COL6A2: variants seen among roughly 807,000 people sequenced by gnomAD.
The protein encoded by COL6A2 is collagen type VI alpha 2 chain, also known as collagen alpha-2(VI) chain.
COL6A2 carries 90 observed loss-of-function variants against 124.9 expected under a neutral mutation model. The ratio of observed to expected loss-of-function variants is 0.72; its 90% CI spans 0.61 to 0.86. COL6A2 has a LOEUF of 0.86. Among genes scored for constraint, COL6A2 ranks in the 40% least tolerant of loss-of-function variants. The pLI is 0.00. For synonymous variants in COL6A2, 793 were observed against 618.2 expected, an observed-to-expected ratio of 1.28 and a Z score of -4.19; for missense variants, 1,607 against 1,502.5, an observed-to-expected ratio of 1.07 and a Z score of -1.15.
chr21:46,127,891 T>C (rs2123674745), intron 27 of COL6A2, among the ~76,000 whole-genome samples: 1 of 152,302 alleles, frequency 6.6e-6, no homozygotes, highest in South Asian at 2.1e-4. Context: ...CCGTTGAGCG[T>C]CATTGAATTT....
intron 20 of COL6A2, 96 bp from the exon 21 acceptor site, chr21:46,122,779 A>C (rs1288709248): frequency 9.8e-6 from 13 of 1,329,250 alleles, no homozygotes; most frequent in Non-Finnish European, 1.4e-5. Flanking sequence ...AAAGGACCCC[A>C]AAATGCCAGA....
intron 1 of COL6A2, among the ~76,000 whole-genome samples, chr21:46,104,783 A>G (rs1357742945): frequency 1.3e-5 from 2 of 152,256 alleles, no homozygotes; most frequent in African/African-American, 4.8e-5. Context: ...AAACAGCAAG[A>G]AAGAATGATT....
In COL6A2 at chr21:46,117,865, C is replaced by T. The variant is rs2078498634; in HGVS notation, c.1054-9C>T. On this transcript the variant is annotated splice_polypyrimidine_tract_variant and intron_variant, in intron 11 of 27. Coordinates refer to ENST00000300527, the MANE Select transcript of COL6A2 (RefSeq NM_001849.4). The stretch of plus-strand genomic sequence containing the variant: ...GTGTGCCGAGCTCCACCTCTCACTC[C>T]TCTCTCAGGGCCCCGACGGTTACCC... The T allele has an allele frequency of 3.1e-6, 5 of 1,609,192 alleles. No individual in the cohort carries two copies. Among genetic ancestry groups the T allele is most frequent in the African/African-American group, 1.3e-5 (1 of 75,016 alleles).
chr21:46,118,369 C>G (rs959634425), intron 12 of COL6A2, among the ~76,000 whole-genome samples: 1 of 152,174 alleles, frequency 6.6e-6, no homozygotes, highest in Non-Finnish European at 1.5e-5. Flanking sequence ...TCCCTCAGCC[C>G]AAGCCCAAGT....
intron 21 of COL6A2, 134 bp from the exon 22 acceptor site, chr21:46,124,517 C>G: frequency 1.3e-6 from 1 of 778,178 alleles, no homozygotes; most frequent in South Asian, 1.6e-5. Flanking sequence ...ACAGCCTTGT[C>G]TTACTCCTTG....
At chr21:46,119,220 C>G in intron 14 of COL6A2, 101 bp downstream of exon 14, 2 of 919,812 alleles carry the variant, frequency 2.2e-6, no homozygotes, top group South Asian at 2.9e-5. Context: ...TAGGCAGGAT[C>G]CCCTGCTGGC....
At chr21:46,120,192 T>C (rs999641720) in intron 15 of COL6A2, among the ~76,000 whole-genome samples, 2 of 91,300 alleles carry the variant, frequency 2.2e-5, no homozygotes, top group African/African-American at 6.5e-5. Flanking sequence ...TCAGGGGTGA[T>C]GCTGAAGGGC....
intron 21 of COL6A2, among the ~76,000 whole-genome samples, chr21:46,124,007 G>A: frequency 6.6e-6 from 1 of 151,006 alleles, no homozygotes; most frequent in East Asian, 2.1e-4. Flanking sequence ...GTGGATGGAT[G>A]GTTAGGTGAA....
chr21:46,125,847 G>A lies in COL6A2; in HGVS notation c.2032G>A (p.Asp678Asn), dbSNP rs769961720. The change falls in exon 26 of 28, where the codon GAC (aspartate) becomes AAC (asparagine). Residue 678 changes from aspartate to asparagine, a missense_variant. Asp to Asn is a conservative substitution (Grantham distance 23). Around this residue, in one of 3 missense-constraint regions of COL6A2, gnomAD observed 1,223 missense variants for 1,052.2 expected, o/e 1.16. Coordinates refer to ENST00000300527, the MANE Select transcript of COL6A2 (RefSeq NM_001849.4). ...EGTFEAIQLD[D>N]ERIDSLSSFK... is the part of the protein sequence containing the mutation. ...CACCTTTGAGGCCATCCAGCTGGACGACGAACGTATCGACTCCCTGTCGAG... is the reference window on the plus strand; with the variant it reads ...CACCTTTGAGGCCATCCAGCTGGACAACGAACGTATCGACTCCCTGTCGAG... 9 of 1,613,062 alleles carry A rather than the reference G, an allele frequency of 5.6e-6. No homozygotes were observed. The highest frequency in any genetic ancestry group is 2.2e-5 in the East Asian group (1 of 44,846).
chr21:46,129,854 G>A (rs1305093273), intron 27 of COL6A2: 1 of 1,055,708 alleles, frequency 9.5e-7, no homozygotes, highest in Non-Finnish European at 1.1e-6. Context: ...ACAGGCTCCA[G>A]GGTTTGGGTG....
rs61735827 is a variant in COL6A2 at position 46,119,101 on chromosome 21, C to G, written c.1251C>G (p.Arg417=). The G allele has an allele frequency of 2.8e-5, 45 of 1,611,828 alleles. No homozygotes were observed. The East Asian group carries it at 4.2e-4, about 15-fold the overall frequency. ...VKGAKGGPGP[R]GPKGEPGRRG... Reference sequence around the variant, plus strand: ...GAGCCAAGGGCGGGCCTGGGCCCCGCGGACCCAAAGGCGAGCCGGTGAGTC... The same window carrying G: ...GAGCCAAGGGCGGGCCTGGGCCCCGGGGACCCAAAGGCGAGCCGGTGAGTC... The change falls in exon 14 of 28, where the codon CGC becomes CGG. Residue 417 remains arginine (R), a synonymous_variant. Transcript: ENST00000300527.
At chr21:46,125,146 C>T (rs550940159) in intron 23 of COL6A2, 120 bp from the exon 24 acceptor site, 188 of 1,098,570 alleles carry the variant, frequency 1.7e-4, no homozygotes, top group Non-Finnish European at 2.3e-4. Flanking sequence ...CCGCCAGCCT[C>T]CCCGCATGGC....
intron 1 of COL6A2, among the ~76,000 whole-genome samples, chr21:46,098,553 C>CGGTTCG (rs2078251736): frequency 2.0e-5 from 3 of 150,656 alleles, no homozygotes; most frequent in Admixed American, 6.6e-5. Flanking sequence ...CGTCTGCGAG[C>CGGTTCG]GGTTCGGGTC....
At chr21:46,129,181 G>A (rs1456445426) in intron 27 of COL6A2, 1 of 1,612,680 alleles carries the variant, frequency 6.2e-7, no homozygotes. Context: ...GTCTTCTCTG[G>A]ACGCTCCCTT....
intron 21 of COL6A2, among the ~76,000 whole-genome samples, chr21:46,123,228 CCAGCATCCCCACTA>C (rs964007888): frequency 4.8e-5 from 6 of 125,388 alleles, no homozygotes; most frequent in Non-Finnish European, 9.1e-5. Flanking sequence ...GAGTCCCCTC[CCAGCATCCCCACTA>C]CAGCATCCCC....
intron 18 of COL6A2, 114 bp from the exon 19 acceptor site, chr21:46,121,994 A>T: frequency 8.9e-7 from 1 of 1,125,034 alleles, no homozygotes; most frequent in Non-Finnish European, 1.3e-6. Flanking sequence ...CCAGAACTCG[A>T]CGGCACCCCT....
At chr21:46,112,743 A>C (rs1305260743) in intron 3 of COL6A2, 61 bp from the exon 4 acceptor site, 3 of 1,612,448 alleles carry the variant, frequency 1.9e-6, no homozygotes, top group Non-Finnish European at 2.5e-6. Context: ...CCCAGACTCG[A>C]GGTGCAGCCG....
At chr21:46,129,002 T>G in intron 27 of COL6A2, 1 of 1,606,172 alleles carries the variant, frequency 6.2e-7, no homozygotes, top group South Asian at 1.1e-5. Context: ...GCCAGCTTCC[T>G]GTCCCTGTGC....
chr21:46,117,662 G>A, intron 11 of COL6A2: 1 of 738,566 alleles, frequency 1.4e-6, no homozygotes, highest in Non-Finnish European at 2.3e-6. Flanking sequence ...CCGTGGCCTG[G>A]AGACCTGATG....
Sources: gnomAD v4.1 joint callset for allele counts (sites outside exome capture counted in the v4.1 genomes callset) on GRCh38, gnomAD v4.1.1 for gene constraint, gnomAD v4.1.1 regional missense constraint, MANE v1.5 for transcripts, NCBI Gene and HGNC (gene_info 2026-07-23, HGNC 2026-07-21) for gene names.